The following KATNIP variants were observed in gnomAD, a reference collection of about 807,000 sequenced individuals.
The protein encoded by KATNIP is katanin-interacting protein.
Under a neutral mutation model 174.0 loss-of-function variants are expected in KATNIP, and 126 were observed. The observed-to-expected ratio is 0.72, with a 90% confidence interval of 0.63 to 0.84. The LOEUF (loss-of-function observed/expected upper bound fraction) is 0.84. Among genes scored for constraint, KATNIP ranks in the 40% least tolerant of loss-of-function variants. The probability of loss-of-function intolerance (pLI) is 0.00; values close to 1 mark genes in which losing one functional copy is unlikely to be tolerated. For synonymous variants in KATNIP, 810 were observed against 835.7 expected, an observed-to-expected ratio of 0.97 and a Z score of 0.53; for missense variants, 1,958 against 2,109.7, an observed-to-expected ratio of 0.93 and a Z score of 1.41.
chr16:27,612,270 G>A (rs1029047423), intron 2 of KATNIP, among the ~76,000 whole-genome samples: 1 of 152,134 alleles, frequency 6.6e-6, no homozygotes, highest in Non-Finnish European at 1.5e-5. Flanking sequence ...CATCTTATAG[G>A]TAAAGAAACT....
intron 2 of KATNIP, among the ~76,000 whole-genome samples, chr16:27,578,833 C>T (rs934496601): frequency 6.6e-6 from 1 of 152,178 alleles, no homozygotes; most frequent in African/African-American, 2.4e-5. Context: ...CCACCTCGGC[C>T]TTCCAAAGTG....
chr16:27,614,221 A>G (rs969725413), intron 2 of KATNIP, among the ~76,000 whole-genome samples: 5 of 151,852 alleles, frequency 3.3e-5, no homozygotes, highest in African/African-American at 9.7e-5. Context: ...GCTGGAGTGC[A>G]GTGGTGCTAT....
chr16:27,570,170 G>A (rs2090235819), intron 1 of KATNIP, among the ~76,000 whole-genome samples: 1 of 152,186 alleles, frequency 6.6e-6, no homozygotes, highest in Admixed American at 6.5e-5. Context: ...CTGGTAATAA[G>A]AAAGTGAATT....
At chr16:27,564,692 G>A (rs572072892) in intron 1 of KATNIP, among the ~76,000 whole-genome samples, 1 of 152,200 alleles carries the variant, frequency 6.6e-6, no homozygotes, top group Admixed American at 6.5e-5. Flanking sequence ...ACATCAGCCT[G>A]GAGGCACACG....
Position 27,777,956 on chromosome 16 carries a change from C to T in KATNIP, c.4788C>T (p.Ser1596=), listed in dbSNP as rs1055710374. The change falls in exon 27 of 28, where the codon AGC becomes AGT. Residue 1596 remains serine (S), a synonymous_variant. Coordinates refer to ENST00000261588, the MANE Select transcript of KATNIP (RefSeq NM_015202.5). The surrounding 1 kb of genome is among the most constrained non-coding windows in gnomAD (Gnocchi z 4.4). The stretch of plus-strand genomic sequence containing the variant: ...TTACCAACGCGAAACGGAAGCAGAG[C>T]GTTGTTGACCCAGGTCAGTGGCGTT... ...QIITNAKRKQ[S]VVDPALRPKT... 7 of 1,613,856 alleles carry T rather than the reference C, an allele frequency of 4.3e-6. No homozygotes were observed. The highest frequency in any genetic ancestry group is 5.9e-6 in the Non-Finnish European group (7 of 1,179,872).
intron 6 of KATNIP, among the ~76,000 whole-genome samples, chr16:27,666,213 G>A (rs1368659783): frequency 6.6e-6 from 1 of 152,166 alleles, no homozygotes; most frequent in African/African-American, 2.4e-5. Context: ...TTTTTCTCCA[G>A]TGATGCACTT....
At chr16:27,658,099 A>G (rs2077356548) in intron 6 of KATNIP, among the ~76,000 whole-genome samples, 2 of 152,218 alleles carry the variant, frequency 1.3e-5, no homozygotes, top group South Asian at 4.1e-4. Flanking sequence ...AAGAGTAAAA[A>G]TTAAATAAAA....
chr16:27,778,010 G>A (rs2082564254), intron 27 of KATNIP, 41 bp downstream of exon 27: 1 of 1,579,104 alleles, frequency 6.3e-7, no homozygotes, highest in Non-Finnish European at 8.7e-7. Flanking sequence ...TGCCTTGGGA[G>A]CTCGGTCTGA....
At chr16:27,660,263 G>A (rs2077428246) in intron 6 of KATNIP, among the ~76,000 whole-genome samples, 1 of 152,058 alleles carries the variant, frequency 6.6e-6, no homozygotes, top group Non-Finnish European at 1.5e-5. Context: ...TACAAAATCC[G>A]TGGATTGGCC....
chr16:27,660,240 C>CT (rs2077427275), intron 6 of KATNIP, among the ~76,000 whole-genome samples: 1 of 152,172 alleles, frequency 6.6e-6, no homozygotes, highest in African/African-American at 2.4e-5. Context: ...ATAAGAAAAT[C>CT]TTATTCCCAT....
intron 8 of KATNIP, among the ~76,000 whole-genome samples, chr16:27,683,184 C>T (rs1359612646): frequency 6.6e-6 from 1 of 152,206 alleles, no homozygotes; most frequent in Non-Finnish European, 1.5e-5. Flanking sequence ...GGGATCTGTG[C>T]ATGCACAAGC....
intron 19 of KATNIP, among the ~76,000 whole-genome samples, chr16:27,763,805 T>C (rs1227374776): frequency 6.6e-6 from 1 of 152,176 alleles, no homozygotes; most frequent in Non-Finnish European, 1.5e-5. Flanking sequence ...CTAGGTTCTC[T>C]TTCCCCTTTT....
At chr16:27,600,081 G>A (rs1341953911) in intron 2 of KATNIP, among the ~76,000 whole-genome samples, 1 of 152,142 alleles carries the variant, frequency 6.6e-6, no homozygotes, top group Non-Finnish European at 1.5e-5. Context: ...ACATTTGGTA[G>A]GTCATTTGAT....
At chr16:27,552,951 C>T (rs2089454593) in intron 1 of KATNIP, among the ~76,000 whole-genome samples, 2 of 152,186 alleles carry the variant, frequency 1.3e-5, no homozygotes, top group South Asian at 2.1e-4. Flanking sequence ...GCCTTGGCCT[C>T]CCAAAGTGCT....
At chr16:27,691,088 G>A (rs1381433892) in intron 8 of KATNIP, among the ~76,000 whole-genome samples, 2 of 152,050 alleles carry the variant, frequency 1.3e-5, no homozygotes, top group Non-Finnish European at 2.9e-5. Flanking sequence ...TTTCATATTC[G>A]CCATTTCGGT....
intron 4 of KATNIP, among the ~76,000 whole-genome samples, chr16:27,629,349 G>A (rs1469010439): frequency 6.6e-6 from 1 of 152,184 alleles, no homozygotes; most frequent in Middle Eastern, 3.2e-3. Flanking sequence ...AGCCAAAGCA[G>A]TAAATTTCTA....
intron 3 of KATNIP, among the ~76,000 whole-genome samples, chr16:27,620,395 A>G (rs889175351): frequency 2.0e-5 from 3 of 152,208 alleles, no homozygotes; most frequent in African/African-American, 7.2e-5. Flanking sequence ...TTGTCTGCAC[A>G]CTACCCAATG....
chr16:27,720,638 C>T (rs1367526004), intron 13 of KATNIP, among the ~76,000 whole-genome samples: 1 of 151,456 alleles, frequency 6.6e-6, no homozygotes, highest in African/African-American at 2.4e-5. Context: ...AAGAGATGAT[C>T]GTGGGACACC....
intron 1 of KATNIP, among the ~76,000 whole-genome samples, chr16:27,569,209 T>C (rs2090196786): frequency 6.6e-6 from 1 of 152,212 alleles, no homozygotes; most frequent in African/African-American, 2.4e-5. Context: ...CTTTGCCTGA[T>C]GACTTCAGAA....
Sources: gnomAD v4.1 joint callset for allele counts (sites outside exome capture counted in the v4.1 genomes callset) on GRCh38, gnomAD v4.1.1 for gene constraint, Gnocchi (gnomAD v3.1) non-coding constraint, MANE v1.5 for transcripts, NCBI Gene and HGNC (gene_info 2026-07-23, HGNC 2026-07-21) for gene names.